Variants in ESRRG observed in about 807,000 individuals in gnomAD.
ESRRG encodes estrogen related receptor gamma.
ESRRG carries 13 observed loss-of-function variants against 44.0 expected under a neutral mutation model. The observed-to-expected ratio is 0.30, with a 90% confidence interval of 0.19 to 0.47. ESRRG has a LOEUF of 0.47. Ranked by LOEUF, ESRRG falls within the 20% of genes least tolerant of loss-of-function variation. ESRRG has a pLI of 1.00. For synonymous variants in ESRRG, 215 were observed against 214.6 expected, an observed-to-expected ratio of 1.00 and a Z score of -0.02; for missense variants, 395 against 580.6, an observed-to-expected ratio of 0.68 and a Z score of 3.29.
intron 1 of ESRRG, among the ~76,000 whole-genome samples, chr1:216,991,474 C>T (rs1165526089): frequency 6.6e-6 from 1 of 152,114 alleles, no homozygotes; most frequent in African/African-American, 2.4e-5. Flanking sequence ...ACTGGATGAA[C>T]AGACGAACAA....
chr1:217,019,580 T>C (rs542079247), intron 1 of ESRRG, among the ~76,000 whole-genome samples: 15 of 152,326 alleles, frequency 9.8e-5, no homozygotes, highest in Admixed American at 7.8e-4. Flanking sequence ...ACTCAGATAC[T>C]ATTCAGAGAC....
intron 5 of ESRRG, among the ~76,000 whole-genome samples, chr1:216,546,103 C>T (rs112044027): frequency 2.0e-5 from 3 of 152,008 alleles, no homozygotes; most frequent in African/African-American, 7.2e-5. Context: ...TTGATGAGAG[C>T]AGGAGGTGGG....
chr1:216,908,698 G>C (rs183878489), intron 2 of ESRRG, among the ~76,000 whole-genome samples: 1 of 151,988 alleles, frequency 6.6e-6, no homozygotes, highest in Non-Finnish European at 1.5e-5. Context: ...AACAAAGAAA[G>C]ACAAACTAAA....
At chr1:216,629,619 G>C (rs1048525099) in intron 3 of ESRRG, among the ~76,000 whole-genome samples, 2 of 151,662 alleles carry the variant, frequency 1.3e-5, no homozygotes, top group Non-Finnish European at 2.9e-5. Context: ...TACACCAAAT[G>C]GCAGAGGAGA....
chr1:216,648,347 A>G (rs979583909), intron 3 of ESRRG, among the ~76,000 whole-genome samples: 1 of 152,164 alleles, frequency 6.6e-6, no homozygotes, highest in Admixed American at 6.6e-5. Context: ...TAAAAAACTG[A>G]TATTTTGCCA....
At chr1:217,011,169 G>A (rs750208957) in intron 1 of ESRRG, among the ~76,000 whole-genome samples, 47 of 152,232 alleles carry the variant, frequency 3.1e-4, no homozygotes, top group East Asian at 7.7e-4. Flanking sequence ...TCCCAGCTGC[G>A]TACACACTCT....
intron 1 of ESRRG, among the ~76,000 whole-genome samples, chr1:216,941,445 CA>C (rs2065211192): frequency 6.6e-6 from 1 of 152,152 alleles, no homozygotes; most frequent in Non-Finnish European, 1.5e-5. Flanking sequence ...GTCATACTCC[CA>C]TTTCTGAAAT....
chr1:216,618,572 A>G (rs965781467), intron 3 of ESRRG, among the ~76,000 whole-genome samples: 1 of 152,208 alleles, frequency 6.6e-6, no homozygotes, highest in African/African-American at 2.4e-5. Flanking sequence ...TATGTGGCTT[A>G]CTTTCATTTT....
At chr1:216,653,363 C>T (rs571674329) in intron 2 of ESRRG, among the ~76,000 whole-genome samples, 1 of 152,302 alleles carries the variant, frequency 6.6e-6, no homozygotes, top group South Asian at 2.1e-4. Context: ...CTGCTTTGAT[C>T]ACGTCATTAT....
chr1:216,755,582 C>T (rs894223208), intron 2 of ESRRG, among the ~76,000 whole-genome samples: 1 of 151,780 alleles, frequency 6.6e-6, no homozygotes, highest in Non-Finnish European at 1.5e-5. Context: ...TTATATTTAC[C>T]TCACATGGTC....
chr1:217,068,267 T>C (rs759424641), intron 1 of ESRRG, among the ~76,000 whole-genome samples: 20 of 152,156 alleles, frequency 1.3e-4, no homozygotes, highest in Non-Finnish European at 2.1e-4. Flanking sequence ...CTTTCTTTAA[T>C]TCTTCAATTG....
At chr1:216,901,601 G>T (rs2059082901) in intron 2 of ESRRG, among the ~76,000 whole-genome samples, 1 of 151,736 alleles carries the variant, frequency 6.6e-6, no homozygotes, top group Non-Finnish European at 1.5e-5. Context: ...AAACTCCTGG[G>T]CTCAAGTAAT....
chr1:217,029,920 C>G (rs538259919), intron 1 of ESRRG, among the ~76,000 whole-genome samples: 1 of 152,310 alleles, frequency 6.6e-6, no homozygotes, highest in South Asian at 2.1e-4. Flanking sequence ...CTTCCATTTG[C>G]TTTGATGACA....
At chr1:216,628,614 A>G (rs990252411) in intron 3 of ESRRG, among the ~76,000 whole-genome samples, 1 of 152,210 alleles carries the variant, frequency 6.6e-6, no homozygotes, top group Admixed American at 6.5e-5. Context: ...AAGAAATAAA[A>G]TTCATTCTGA....
chr1:216,946,708 T>C (rs1403105372), intron 1 of ESRRG, among the ~76,000 whole-genome samples: 1 of 152,062 alleles, frequency 6.6e-6, no homozygotes, highest in Non-Finnish European at 1.5e-5. Flanking sequence ...CTTTCCTTTC[T>C]TCCTTTTTTC....
intron 2 of ESRRG, among the ~76,000 whole-genome samples, chr1:216,858,843 G>C (rs1226388987): frequency 2.0e-5 from 3 of 152,294 alleles, no homozygotes. Context: ...TCTTGTAAAA[G>C]AGAGCAGTTC....
chr1:216,729,304 C>T (rs750895109), intron 2 of ESRRG, among the ~76,000 whole-genome samples: 4 of 152,238 alleles, frequency 2.6e-5, no homozygotes, highest in African/African-American at 7.2e-5. Context: ...ATAGTGCCCC[C>T]GTTTGGAGAA....
intron 5 of ESRRG, among the ~76,000 whole-genome samples, chr1:216,556,049 G>A (rs1160669486): frequency 6.6e-6 from 1 of 152,094 alleles, no homozygotes; most frequent in Non-Finnish European, 1.5e-5. Context: ...TTTAGAGGTG[G>A]AAAAAGCTTT....
intron 6 of ESRRG, among the ~76,000 whole-genome samples, chr1:216,515,335 G>A (rs1004335628): frequency 7.2e-5 from 11 of 151,844 alleles, no homozygotes; most frequent in East Asian, 3.9e-4. Flanking sequence ...CTATTTCATC[G>A]GGGGGTTATT....
Sources: gnomAD v4.1 joint callset for allele counts (sites outside exome capture counted in the v4.1 genomes callset) on GRCh38, gnomAD v4.1.1 for gene constraint, MANE v1.5 for transcripts, NCBI Gene and HGNC (gene_info 2026-07-23, HGNC 2026-07-21) for gene names.